AR: variants seen among roughly 807,000 people sequenced by gnomAD.
The protein encoded by AR is androgen receptor.
A neutral mutation model predicts 53.9 loss-of-function variants in AR; 8 were observed. The observed-to-expected ratio is 0.15, with a 90% CI of 0.09 to 0.27. The LOEUF (loss-of-function observed/expected upper bound fraction) is 0.27, where lower values mean the gene tolerates loss of function less well. Among genes scored for constraint, AR ranks in the 10% least tolerant of loss-of-function variants. The probability of loss-of-function intolerance (pLI) is 1.00; values close to 1 mark genes in which losing one functional copy is unlikely to be tolerated. For missense variants in AR, 639 were observed against 742.5 expected, an observed-to-expected ratio of 0.86 and a Z score of 1.62; for synonymous variants, 359 against 316.4, an observed-to-expected ratio of 1.13 and a Z score of -1.43.
chrX:67,665,709 C>T (rs1361678169), intron 2 of AR, among the ~76,000 whole-genome samples: 6 of 111,380 alleles, frequency 5.4e-5, no homozygotes, highest in Non-Finnish European at 1.1e-4. Flanking sequence ...CATTTGACAC[C>T]CTTGTTGCTA....
rs775907989 is a variant in AR at position 67,624,281 on chromosome X, G to A, written c.1617-18975G>A. Among the ~76,000 whole-genome samples the A allele has an allele frequency of 7.2e-5, 8 of 111,460 alleles. No homozygotes were observed. The South Asian group carries it at 3.0e-3, about 42-fold the overall frequency. ...AAAAATTAGATGACCTAGATGAAAT[G>A]GACAAATACTCAGAAAAACACAAAC... On this transcript the variant is annotated intron_variant, in intron 1 of 7. Coordinates refer to ENST00000374690, the MANE Select transcript of AR (RefSeq NM_000044.6).
intron 3 of AR, among the ~76,000 whole-genome samples, chrX:67,710,239 A>G (rs776929232): frequency 3.5e-4 from 39 of 112,196 alleles, no homozygotes; most frequent in Non-Finnish European, 6.4e-4. Context: ...CATGCTAGAC[A>G]TAGACACATG....
chrX:67,727,792 A>G lies in AR; in HGVS notation c.*3951A>G, dbSNP rs1319221074. The G allele has an allele frequency of 2.3e-5, 4 of 171,946 alleles. No individual in the cohort carries two copies. Among genetic ancestry groups the G allele is most frequent in the South Asian group, 6.3e-4 (2 of 3,173 alleles). 14.2% of individuals were successfully genotyped at this position (171,946 alleles called of 1,213,427 possible). ...GTGCCAGTTGCCCAGGTGAGAGGGC[A>G]CTGGGCCAAGGGAGTGGTTTTCATG... On this transcript the variant is annotated 3_prime_UTR_variant, in exon 8 of 8. Transcript: ENST00000374690.
intron 2 of AR, among the ~76,000 whole-genome samples, chrX:67,651,510 C>G (rs1255744562): frequency 9.0e-6 from 1 of 111,133 alleles, no homozygotes; most frequent in Non-Finnish European, 1.9e-5. Context: ...GAATTTGAAC[C>G]CAAGTCTTCT....
At chrX:67,674,691 A>G (rs1174015342) in intron 2 of AR, among the ~76,000 whole-genome samples, 1 of 110,889 alleles carries the variant, frequency 9.0e-6, no homozygotes, top group Non-Finnish European at 1.9e-5. Flanking sequence ...CTCTCCCTTC[A>G]AGGAAGTGGG....
intron 3 of AR, among the ~76,000 whole-genome samples, chrX:67,696,761 C>T (rs780482613): frequency 2.7e-5 from 3 of 111,204 alleles, no homozygotes; most frequent in Non-Finnish European, 5.7e-5. Flanking sequence ...GGCTCTGCTC[C>T]CTGCTTCTCA....
Position 67,725,310 on chromosome X carries a change from T to G in AR, c.*1469T>G, listed in dbSNP as rs2076153237. 1 of 173,201 alleles carries G rather than the reference T, an allele frequency of 5.8e-6. No individual in the cohort carries two copies. Among genetic ancestry groups the G allele is most frequent in the South Asian group, 3.2e-4 (1 of 3,120 alleles). The allele number at this position is 173,201 out of a possible 1,213,427, so 14.3% of individuals were successfully genotyped here. The stretch of plus-strand genomic sequence containing the variant: ...AGATCGCTGGAGCCCTTAGACAAAC[T>G]GGAAAGAAGGCATCAAAGGGATCAG... On this transcript the variant is annotated 3_prime_UTR_variant, in exon 8 of 8. Coordinates refer to ENST00000374690, the MANE Select transcript of AR (RefSeq NM_000044.6).
rs1036074006 is a variant in AR at position 67,710,119 on chromosome X, G to A, written c.1886-1283G>A. On this transcript the variant is annotated intron_variant, in intron 3 of 7. Transcript: ENST00000374690. ...GTGTGTGTTTAGAGAGAGAGAGAGA[G>A]ACAGAAAGAGAAGGAGAGACTAAAA... Among the ~76,000 whole-genome samples the A allele has an allele frequency of 5.5e-5, 6 of 109,808 alleles. No homozygotes were observed. The Admixed American group carries it at 5.9e-4, about 11-fold the overall frequency.
intron 1 of AR, among the ~76,000 whole-genome samples, chrX:67,590,986 C>T (rs1225287642): frequency 1.8e-5 from 2 of 112,169 alleles, no homozygotes; most frequent in East Asian, 5.6e-4. Flanking sequence ...TTTGCTGTTT[C>T]TGCAACCTCA....
chrX:67,700,982 C>T (rs184522213), intron 3 of AR, among the ~76,000 whole-genome samples: 647 of 111,381 alleles, frequency 5.8e-3, no homozygotes, highest in Middle Eastern at 0.014. Flanking sequence ...TTATCAATAG[C>T]TTTAGTGGGG....
chrX:67,635,394 T>A (rs1925380504), intron 1 of AR, among the ~76,000 whole-genome samples: 1 of 111,394 alleles, frequency 9.0e-6, no homozygotes, highest in African/African-American at 3.3e-5. Flanking sequence ...CCTTGTTGGG[T>A]TGCCATTCCT....
intron 2 of AR, 128 bp from the exon 3 acceptor site, chrX:67,685,882 C>T (rs1308424521): frequency 1.6e-5 from 16 of 987,126 alleles, no homozygotes; most frequent in Non-Finnish European, 1.9e-5. Context: ...TGTTTGGTGC[C>T]ATACTCTGTC....
intron 2 of AR, among the ~76,000 whole-genome samples, chrX:67,678,410 C>T (rs2075913300): frequency 8.9e-6 from 1 of 112,012 alleles, no homozygotes; most frequent in Non-Finnish European, 1.9e-5. Context: ...TCTTTCTATG[C>T]CTGGCTTATT....
chrX:67,638,516 C>G (rs1925571694), intron 1 of AR, among the ~76,000 whole-genome samples: 1 of 111,822 alleles, frequency 8.9e-6, no homozygotes, highest in Non-Finnish European at 1.9e-5. Context: ...GATCACGATT[C>G]TAACTGGCGT....
In AR at chrX:67,546,684, C is replaced by T. The variant is rs1213801232; in HGVS notation, c.1538C>T (p.Pro513Leu). The T allele has an allele frequency of 2.5e-6, 3 of 1,208,759 alleles. No homozygotes were observed. Among genetic ancestry groups the T allele is most frequent in the Admixed American group, 4.4e-5 (2 of 45,834 alleles). Residue 513 changes from proline (P) to leucine (L), a missense_variant, in exon 1 of 8, where the codon CCC becomes CTC. Physicochemically the swap from Pro to Leu is moderately conservative, Grantham distance 98 (BLOSUM62 -3). This residue lies in a region of AR where 423 missense variants were observed against 377.0 expected (regional missense o/e 1.12). Transcript: ENST00000374690. ...WYPGGMVSRV[P>L]YPSPTCVKSE... ...CCTGGCGGCATGGTGAGCAGAGTGC[C>T]CTATCCCAGTCCCACTTGTGTCAAA...
chrX:67,554,037 T>A (rs1930091937), intron 1 of AR, among the ~76,000 whole-genome samples: 1 of 112,252 alleles, frequency 8.9e-6, no homozygotes, highest in South Asian at 3.7e-4. Context: ...TCAGTTTTAC[T>A]CAGCTATAAA....
At position 67,630,486 on chromosome X, in the gene AR, T is replaced by G. The variant is rs190125903; in HGVS notation, c.1617-12770T>G. On this transcript the variant is annotated intron_variant, in intron 1 of 7. Coordinates refer to ENST00000374690, the MANE Select transcript of AR (RefSeq NM_000044.6). ...CCCTGCCTTTTTTTTGTTTTCCATT[T>G]GCTTGGTAGATCTTCCTCCATCCTT... Among the ~76,000 whole-genome samples, 881 of 111,255 alleles carry G rather than the reference T, an allele frequency of 7.9e-3. 6 individuals are homozygous for G. Among genetic ancestry groups the G allele is most frequent in the African/African-American group, 0.027 (834 of 30,556 alleles).
intron 1 of AR, among the ~76,000 whole-genome samples, chrX:67,612,824 C>G (rs1255567485): frequency 8.9e-6 from 1 of 112,230 alleles, no homozygotes; most frequent in Non-Finnish European, 1.9e-5. Flanking sequence ...ATGACCTGTT[C>G]CTAATCCTTC....
At chrX:67,561,935 T>G (rs1053801023) in intron 1 of AR, among the ~76,000 whole-genome samples, 11 of 87,030 alleles carry the variant, frequency 1.3e-4, no homozygotes, top group East Asian at 3.5e-4. Flanking sequence ...GAGGTTTTTT[T>G]TTTTTTTTTT....
Sources: gnomAD v4.1 joint callset for allele counts (sites outside exome capture counted in the v4.1 genomes callset) on GRCh38, gnomAD v4.1.1 for gene constraint, gnomAD v4.1.1 regional missense constraint, MANE v1.5 for transcripts, NCBI Gene and HGNC (gene_info 2026-07-23, HGNC 2026-07-21) for gene names.